The following DNAJC7 variants were observed in gnomAD, a reference collection of about 807,000 sequenced individuals.
The protein encoded by DNAJC7 is dnaJ homolog subfamily C member 7.
Under a neutral mutation model 67.4 loss-of-function variants are expected in DNAJC7, and 18 were observed. The ratio of observed to expected loss-of-function variants is 0.27; its 90% CI spans 0.18 to 0.40. The LOEUF is 0.40. Among genes scored for constraint, DNAJC7 ranks in the 10% least tolerant of loss-of-function variants. DNAJC7 has a pLI of 1.00. For missense variants in DNAJC7, 419 were observed against 613.8 expected (o/e 0.68, Z 3.35); for synonymous variants, 220 against 207.8 (o/e 1.06, Z -0.50).
intron 3 of DNAJC7, 134 bp from the exon 4 acceptor site, chr17:41,996,558 T>C: frequency 1.4e-6 from 1 of 697,004 alleles, no homozygotes; most frequent in Non-Finnish European, 2.4e-6. Flanking sequence ...TCCCAGCACT[T>C]TGGGAAGCTG....
At chr17:42,000,822 T>A (rs1036412068) in intron 1 of DNAJC7, 1 of 280,416 alleles carries the variant, frequency 3.6e-6, no homozygotes, top group Non-Finnish European at 6.7e-6. Flanking sequence ...ACCCCTCTTA[T>A]GTTCCTGCCT....
intron 9 of DNAJC7, chr17:41,986,047 T>TAAAGAA (rs2051366091): frequency 3.1e-5 from 1 of 32,550 alleles, no homozygotes; most frequent in Non-Finnish European, 5.3e-5. Context: ...GGGGCTTGCT[T>TAAAGAA]AAAAAAAAAA....
intron 2 of DNAJC7, 22 bp downstream of exon 2, chr17:42,000,459 CG>C (rs782600913): frequency 1.9e-6 from 3 of 1,541,070 alleles, no homozygotes; most frequent in Middle Eastern, 1.8e-4. Context: ...TGTTTTCTAG[CG>C]TAAGTATCAG....
intron 5 of DNAJC7, chr17:41,992,628 C>G (rs2051539519): frequency 6.6e-6 from 1 of 152,170 alleles, no homozygotes. Flanking sequence ...TCACAAGGAC[C>G]CCGTTTTATG....
At chr17:41,995,723 A>G (rs1399548042) in intron 4 of DNAJC7, among the ~76,000 whole-genome samples, 1 of 152,274 alleles carries the variant, frequency 6.6e-6, no homozygotes, top group East Asian at 1.9e-4. Flanking sequence ...TATGCCTGTC[A>G]TTAAGCGACA....
At chr17:41,989,633 T>C in intron 6 of DNAJC7, 76 bp from the exon 7 acceptor site, 1 of 1,559,600 alleles carries the variant, frequency 6.4e-7, no homozygotes, top group East Asian at 2.3e-5. Context: ...GTGGCCAGTT[T>C]TCCTCCTTGA....
intron 12 of DNAJC7, chr17:41,977,622 G>A: frequency 3.6e-6 from 1 of 274,634 alleles, no homozygotes; most frequent in Non-Finnish European, 6.9e-6. Flanking sequence ...AATGCCATTT[G>A]CACTTACACA....
intron 1 of DNAJC7, among the ~76,000 whole-genome samples, chr17:42,008,601 G>C (rs567269810): frequency 6.6e-6 from 1 of 151,956 alleles, no homozygotes; most frequent in East Asian, 2.0e-4. Flanking sequence ...TAGTAGAGAC[G>C]GGGTTTCACC....
chr17:41,990,402 A>G lies in DNAJC7; in HGVS notation c.481-20T>C. On this transcript the variant is annotated intron_variant, in intron 5 of 13. Coordinates refer to ENST00000457167, the MANE Select transcript of DNAJC7 (RefSeq NM_003315.4). ...AACAACCTGTAGGGAAGAAGAAAAC[A>G]AATAAGGCTCTTCATCAGGGACTCC... 6.3e-7 allele frequency: 1 copy of G among 1,577,044 alleles called. No homozygotes were observed. The highest frequency in any genetic ancestry group is 8.6e-7 in the Non-Finnish European group (1 of 1,157,326).
At chr17:42,002,277 T>C (rs1000214922) in intron 1 of DNAJC7, among the ~76,000 whole-genome samples, 1 of 152,214 alleles carries the variant, frequency 6.6e-6, no homozygotes, top group Admixed American at 6.5e-5. Context: ...AGAGAAGATC[T>C]AGCCTCTTCT....
intron 1 of DNAJC7, among the ~76,000 whole-genome samples, chr17:42,010,142 C>CAAAGAAAG (rs371872389): frequency 2.0e-5 from 3 of 150,422 alleles, no homozygotes. Context: ...GACTCCATCA[C>CAAAGAAAG]AAAGAAAGAA....
Position 41,982,331 on chromosome 17 carries a change from A to C in DNAJC7, c.1155T>G (p.Ile385Met). The part of the protein sequence containing the change: ...KKSKRKDYYK[I>M]LGVDKNASED... ...CAGAGGCATTCTTGTCCACTCCTAG[A>C]ATCTTGTAGTAATCTTTCCTCTTAC... Residue 385 changes from isoleucine to methionine, a missense_variant, in exon 11 of 14, where the codon ATT becomes ATG. Ile to Met is a conservative substitution (Grantham distance 10, BLOSUM62 1). Coordinates refer to ENST00000457167, the MANE Select transcript of DNAJC7 (RefSeq NM_003315.4). 2 of 1,613,878 alleles carry C rather than the reference A, an allele frequency of 1.2e-6. No homozygotes were observed. The highest frequency in any genetic ancestry group is 1.7e-6 in the Non-Finnish European group (2 of 1,179,872).
At chr17:42,000,867 G>A (rs1057436652) in intron 1 of DNAJC7, 5 of 207,440 alleles carry the variant, frequency 2.4e-5, no homozygotes, top group South Asian at 1.5e-4. Flanking sequence ...CATCCTCCCC[G>A]CAGGACAAAT....
intron 10 of DNAJC7, among the ~76,000 whole-genome samples, chr17:41,983,284 C>T (rs2051296811): frequency 6.6e-6 from 1 of 152,096 alleles, no homozygotes; most frequent in Admixed American, 6.6e-5. Context: ...ACCACCATAC[C>T]CACAATTTTT....
chr17:42,015,383 AT>A (rs1555651704), intron 1 of DNAJC7: 1 of 152,174 alleles, frequency 6.6e-6, no homozygotes, highest in Non-Finnish European at 1.5e-5. Flanking sequence ...AGCATAACCT[AT>A]TTTATTATAT....
At position 42,000,538 on chromosome 17, in the gene DNAJC7, G is replaced by A. The variant is rs782354376; in HGVS notation, c.110C>T (p.Ala37Val). The change falls in exon 2 of 14, where the codon GCA (alanine) becomes GTA (valine). Residue 37 changes from alanine (A) to valine (V), a missense_variant. By Grantham distance (64) the Ala-to-Val change is moderately conservative (BLOSUM62 0). Transcript: ENST00000457167. ...EAETFKEQGN[A>V]YYAKKDYNEA... is the part of the protein sequence containing the mutation. ...ATTGTAATCTTTCTTGGCATAGTAT[G>A]CATTTCCTTGTTCCTTGAAAGTCTC... 1.7e-5 allele frequency: 28 copies of A among 1,611,698 alleles called. No homozygotes were observed. Among genetic ancestry groups the A allele is most frequent in the Non-Finnish European group, 2.4e-5 (28 of 1,178,970 alleles).
intron 5 of DNAJC7, among the ~76,000 whole-genome samples, chr17:41,994,097 G>A (rs2143215846): frequency 6.6e-6 from 1 of 150,480 alleles, no homozygotes; most frequent in South Asian, 2.1e-4. Flanking sequence ...CAGCACTTTG[G>A]GAGGCTGAGG....
intron 11 of DNAJC7, 84 bp from the exon 12 acceptor site, chr17:41,982,091 A>G (rs1202899240): frequency 1.9e-6 from 3 of 1,570,034 alleles, no homozygotes; most frequent in East Asian, 2.2e-5. Context: ...CTTTCTGTCT[A>G]ATTTTGGAAT....
At chr17:41,983,744 G>A (rs1364136321) in intron 9 of DNAJC7, 108 bp from the exon 10 acceptor site, 3 of 870,250 alleles carry the variant, frequency 3.4e-6, no homozygotes, top group Non-Finnish European at 1.7e-6. Context: ...CACACTTCTG[G>A]TAAGATGCTT....
Sources: allele counts gnomAD v4.1 joint callset (sites outside exome capture counted in the v4.1 genomes callset), GRCh38; gene constraint gnomAD v4.1.1; transcripts MANE v1.5; gene names NCBI Gene and HGNC (gene_info 2026-07-23, HGNC 2026-07-21).